PTPRN2: variants seen among roughly 807,000 people sequenced by gnomAD.
PTPRN2 encodes the protein receptor-type tyrosine-protein phosphatase N2.
A neutral mutation model predicts 118.8 loss-of-function variants in PTPRN2; 74 were observed. The ratio of observed to expected loss-of-function variants is 0.62; its 90% CI spans 0.52 to 0.76. The LOEUF (loss-of-function observed/expected upper bound fraction) is 0.76, where lower values mean the gene tolerates loss of function less well. Ranked by LOEUF, PTPRN2 falls within the 30% of genes least tolerant of loss-of-function variation. The probability of loss-of-function intolerance (pLI) is 0.00; values close to 1 mark genes in which losing one functional copy is unlikely to be tolerated. For missense variants in PTPRN2, 1,481 were observed against 1,394.4 expected (o/e 1.06, Z -0.99); for synonymous variants, 641 against 608.0 (o/e 1.05, Z -0.80).
At position 157,615,010 on chromosome 7, in the gene PTPRN2, C is replaced by G. The variant is rs1324449056; in HGVS notation, c.2344+6352G>C. Among the ~76,000 whole-genome samples, 1 of 152,220 alleles carries G rather than the reference C, an allele frequency of 6.6e-6. No homozygotes were observed. The highest frequency in any genetic ancestry group is 1.9e-4 in the East Asian group (1 of 5,198). On this transcript the variant is annotated intron_variant, in intron 15 of 22. Transcript: ENST00000389418. This position sits in a 1 kb window ranked among gnomAD's most constrained non-coding sequence, Gnocchi z 4.3. ...TTAGTTATAACGGGGCTGCAGCTAC[C>G]TAGGAGAAGGCCCTTGTATTTAGGA...
At chr7:158,243,048 C>G (rs1342064150) in intron 3 of PTPRN2, among the ~76,000 whole-genome samples, 1 of 152,148 alleles carries the variant, frequency 6.6e-6, no homozygotes, top group Non-Finnish European at 1.5e-5. Context: ...TTCCTTCCTT[C>G]CACTAACTTT....
intron 2 of PTPRN2, among the ~76,000 whole-genome samples, chr7:158,337,761 C>A (rs1215900481): frequency 1.6e-4 from 19 of 115,756 alleles, no homozygotes; most frequent in Admixed American, 1.7e-4. Flanking sequence ...TAAGAGGTGA[C>A]ACCTGCAAAC....
At position 158,093,075 on chromosome 7, in the gene PTPRN2, C is replaced by T. The variant is rs73748045; in HGVS notation, c.1644-11698G>A. On this transcript the variant is annotated intron_variant, in intron 10 of 22. Coordinates refer to ENST00000389418, the MANE Select transcript of PTPRN2 (RefSeq NM_002847.5). The surrounding 1 kb of genome is among the most constrained non-coding windows in gnomAD (Gnocchi z 4.4). ...AACTTCGGCGTTCTTGGCTGAGAGCCTTCTGCGAGGCACGAGTATAAGTGT... is the reference window on the plus strand; with the variant it reads ...AACTTCGGCGTTCTTGGCTGAGAGCTTTCTGCGAGGCACGAGTATAAGTGT... 0.03 allele frequency among the ~76,000 whole-genome samples: 4,606 copies of T among 151,796 alleles called. 269 individuals are homozygous for T. Among genetic ancestry groups the T allele is most frequent in the African/African-American group, 0.11 (4,329 of 41,024 alleles).
intron 11 of PTPRN2, among the ~76,000 whole-genome samples, chr7:157,945,846 C>T (rs899281865): frequency 2.0e-5 from 3 of 152,118 alleles, no homozygotes; most frequent in South Asian, 4.1e-4. Flanking sequence ...CACTTCCTGG[C>T]TTCAGTTGTC....
chr7:158,499,617 C>A (rs963338613), intron 1 of PTPRN2, among the ~76,000 whole-genome samples: 9 of 151,998 alleles, frequency 5.9e-5, no homozygotes, highest in African/African-American at 1.9e-4. Flanking sequence ...CTAAAAAATA[C>A]AAAATTAGCT....
intron 9 of PTPRN2, among the ~76,000 whole-genome samples, chr7:158,113,555 A>C: frequency 6.6e-6 from 1 of 152,138 alleles, no homozygotes; most frequent in Non-Finnish European, 1.5e-5. Context: ...ACTTACACTC[A>C]GGGACCCCTT....
intron 17 of PTPRN2, among the ~76,000 whole-genome samples, chr7:157,580,424 C>A (rs544107921): frequency 2.6e-5 from 4 of 151,972 alleles, no homozygotes; most frequent in African/African-American, 9.7e-5. Flanking sequence ...CCTGCACAGC[C>A]GAGTACCTGC....
chr7:158,535,969 G>A (rs1563408938), intron 1 of PTPRN2, among the ~76,000 whole-genome samples: 1 of 148,746 alleles, frequency 6.7e-6, no homozygotes, highest in East Asian at 2.0e-4. Flanking sequence ...TAAAATTTCA[G>A]TTCACATCCA....
At position 157,591,894 on chromosome 7, in the gene PTPRN2, T is replaced by C. The variant is rs1315433338; in HGVS notation, c.2496+3344A>G. ...AGCAATGACGTCGTGGTCAGGGACG[T>C]CTGCAGGGAGCAAAATGAAGCGAGT... On this transcript the variant is annotated intron_variant, in intron 17 of 22. Transcript: ENST00000389418. The surrounding 1 kb of genome is among the most constrained non-coding windows in gnomAD (Gnocchi z 4.4). Among the ~76,000 whole-genome samples the C allele has an allele frequency of 6.6e-6, 1 of 152,180 alleles. No individual in the cohort carries two copies. The highest frequency in any genetic ancestry group is 1.5e-5 in the Non-Finnish European group (1 of 68,038).
At position 158,196,664 on chromosome 7, in the gene PTPRN2, G is replaced by A. The variant is rs575747200; in HGVS notation, c.381-4169C>T. Among the ~76,000 whole-genome samples, 23 of 152,258 alleles carry A rather than the reference G, an allele frequency of 1.5e-4. 1 individual carries two copies. The highest frequency in any genetic ancestry group is 8.3e-4 in the South Asian group (4 of 4,806). On this transcript the variant is annotated intron_variant, in intron 4 of 22. Transcript: ENST00000389418. Reference sequence around the variant, plus strand: ...ACACCCAACCGAGATGTAGCTCCCCGGGCACCCCTGGGGCCCTGCCCACGG... The same window carrying A: ...ACACCCAACCGAGATGTAGCTCCCCAGGCACCCCTGGGGCCCTGCCCACGG...
intron 2 of PTPRN2, among the ~76,000 whole-genome samples, chr7:158,376,703 C>T (rs562244971): frequency 0.014 from 1,061 of 76,796 alleles, 11 homozygotes; most frequent in Admixed American, 0.021. Context: ...ACGTCCTGCA[C>T]GCGGGGTCAG....
At chr7:158,282,871 C>T (rs1288175823) in intron 3 of PTPRN2, among the ~76,000 whole-genome samples, 2 of 151,770 alleles carry the variant, frequency 1.3e-5, no homozygotes, top group Non-Finnish European at 2.9e-5. Context: ...CTCCCACACA[C>T]AGCAGCGGGA....
rs1166179192 is a variant in PTPRN2, at chr7:157,893,509, T to C, written c.1788+5164A>G. ...ATCTGAGCAGCAATTCAGATTTCCATGCATTGAATCAATCTACTTCCTAGA... is the reference window on the plus strand; with the variant it reads ...ATCTGAGCAGCAATTCAGATTTCCACGCATTGAATCAATCTACTTCCTAGA... On this transcript the variant is annotated intron_variant, in intron 12 of 22. Coordinates refer to ENST00000389418, the MANE Select transcript of PTPRN2 (RefSeq NM_002847.5). The surrounding 1 kb of genome is among the most constrained non-coding windows in gnomAD (Gnocchi z 4.0). 2.0e-5 allele frequency among the ~76,000 whole-genome samples: 3 copies of C among 152,246 alleles called. No individual in the cohort carries two copies. Among genetic ancestry groups the C allele is most frequent in the African/African-American group, 7.2e-5 (3 of 41,454 alleles).
rs1802675564 is a variant in PTPRN2, at chr7:157,769,520, A to G, written c.1789-86583T>C. Among the ~76,000 whole-genome samples the G allele has an allele frequency of 3.3e-5, 5 of 152,326 alleles. No individual in the cohort carries two copies. The South Asian group carries it at 1.0e-3, about 32-fold the overall frequency. The stretch of plus-strand genomic sequence containing the variant: ...GAACACAGATAGGATTTTGGAATTC[A>G]GCCACCACAACTCCACTGAAGACAG... On this transcript the variant is annotated intron_variant, in intron 12 of 22. Coordinates refer to ENST00000389418, the MANE Select transcript of PTPRN2 (RefSeq NM_002847.5).
intron 11 of PTPRN2, among the ~76,000 whole-genome samples, chr7:157,916,656 G>T (rs1217613546): frequency 2.0e-5 from 3 of 152,260 alleles, no homozygotes; most frequent in African/African-American, 4.8e-5. Context: ...TGCTTCTGAT[G>T]TCATAAGCGT....
Position 157,918,297 on chromosome 7 carries a change from G to C in PTPRN2, c.1724-19560C>G, listed in dbSNP as rs545697130. Among the ~76,000 whole-genome samples the C allele has an allele frequency of 2.2e-4, 33 of 152,330 alleles. No homozygotes were observed. In the Middle Eastern group the frequency reaches 0.017, roughly 79 times the overall value. On this transcript the variant is annotated intron_variant, in intron 11 of 22. Transcript: ENST00000389418. ...TGAAGTTGATAATGAGAAATCTGAA[G>C]ATCCTTACTGCTTTTGAAAAGTGTG...
chr7:158,079,303 G>C (rs1175513555), intron 11 of PTPRN2, among the ~76,000 whole-genome samples: 1 of 152,170 alleles, frequency 6.6e-6, no homozygotes, highest in East Asian at 1.9e-4. Flanking sequence ...GGAGGCACTG[G>C]TGCAAGTTAG....
At chr7:158,395,729 G>C (rs71544590) in intron 2 of PTPRN2, among the ~76,000 whole-genome samples, 88 of 4,062 alleles carry the variant, frequency 0.022, 13 homozygotes, top group Non-Finnish European at 0.027. Context: ...AGGCGCGAGG[G>C]GAGAGGGGAG....
At chr7:158,052,956 C>T (rs566034021) in intron 11 of PTPRN2, among the ~76,000 whole-genome samples, 10 of 152,266 alleles carry the variant, frequency 6.6e-5, no homozygotes, top group African/African-American at 7.2e-5. Flanking sequence ...AACTGCACCT[C>T]GGGGGCTCCT....
Sources: gnomAD v4.1 joint callset for allele counts (sites outside exome capture counted in the v4.1 genomes callset) on GRCh38, gnomAD v4.1.1 for gene constraint, Gnocchi (gnomAD v3.1) non-coding constraint, MANE v1.5 for transcripts, NCBI Gene and HGNC (gene_info 2026-07-23, HGNC 2026-07-21) for gene names.